Variants in DCC observed in about 807,000 individuals in gnomAD.
DCC encodes netrin receptor DCC.
In DCC, 58 loss-of-function variants were observed where a neutral mutation model predicts 172.5. That is an observed-to-expected ratio of 0.34 (90% CI 0.27 to 0.42). DCC has a LOEUF of 0.42. Among genes scored for constraint, DCC ranks in the 10% least tolerant of loss-of-function variants. The pLI, the probability that DCC is intolerant of heterozygous loss-of-function variation, is 1.00. For missense variants in DCC, 1,740 were observed against 1,791.0 expected (o/e 0.97, Z 0.51); for synonymous variants, 709 against 644.5 (o/e 1.10, Z -1.52).
chr18:53,251,257 GC>G (rs2056428390), intron 12 of DCC, among the ~76,000 whole-genome samples: 1 of 151,870 alleles, frequency 6.6e-6, no homozygotes, highest in African/African-American at 2.4e-5. Flanking sequence ...CTTACAAACA[GC>G]CTCATCTTAT....
At chr18:52,529,712 G>A (rs972220435) in intron 1 of DCC, among the ~76,000 whole-genome samples, 1 of 152,168 alleles carries the variant, frequency 6.6e-6, no homozygotes, top group African/African-American at 2.4e-5. Context: ...CTCATGCCAA[G>A]GACTTGCAGA....
chr18:52,711,707 T>C (rs1418498066), intron 1 of DCC, among the ~76,000 whole-genome samples: 2 of 152,126 alleles, frequency 1.3e-5, no homozygotes, highest in Admixed American at 6.5e-5. Flanking sequence ...CCCCACTACA[T>C]TCTCACTTTG....
intron 27 of DCC, among the ~76,000 whole-genome samples, chr18:53,501,109 A>T (rs2046092437): frequency 1.3e-5 from 2 of 152,202 alleles, no homozygotes; most frequent in South Asian, 4.1e-4. Flanking sequence ...CCTTGAAGGA[A>T]ACTAGTATTC....
chr18:53,261,953 A>G (rs951610915), intron 12 of DCC, among the ~76,000 whole-genome samples: 1 of 152,200 alleles, frequency 6.6e-6, no homozygotes, highest in Non-Finnish European at 1.5e-5. Context: ...GGACTTACCA[A>G]TAAAAGCCAT....
At chr18:52,870,813 A>T (rs1273514634) in intron 2 of DCC, among the ~76,000 whole-genome samples, 2 of 151,958 alleles carry the variant, frequency 1.3e-5, no homozygotes, top group East Asian at 3.9e-4. Context: ...CTTGGAAAAA[A>T]TCTTAACCTC....
intron 22 of DCC, among the ~76,000 whole-genome samples, chr18:53,446,329 C>T (rs1457988841): frequency 6.6e-5 from 10 of 152,098 alleles, no homozygotes; most frequent in African/African-American, 1.9e-4. Flanking sequence ...TAATGTCTAA[C>T]GAGTGCCAAC....
chr18:52,688,856 A>C (rs1330746629), intron 1 of DCC, among the ~76,000 whole-genome samples: 2 of 152,138 alleles, frequency 1.3e-5, no homozygotes, highest in Admixed American at 1.3e-4. Flanking sequence ...AAAGATATGG[A>C]TATTTAACAT....
At chr18:53,331,949 C>G (rs913958869) in intron 14 of DCC, among the ~76,000 whole-genome samples, 1 of 152,174 alleles carries the variant, frequency 6.6e-6, no homozygotes, top group Admixed American at 6.5e-5. Flanking sequence ...GAGTTATAAC[C>G]AATGTGAGGC....
chr18:53,351,291 GTA>G (rs147758557), intron 15 of DCC, among the ~76,000 whole-genome samples: 11,481 of 34,420 alleles, frequency 0.33, 2,004 homozygotes, highest in East Asian at 0.47. Flanking sequence ...ATTGAGTACA[GTA>G]TATATATATA....
intron 5 of DCC, among the ~76,000 whole-genome samples, chr18:52,962,101 G>A (rs2040851746): frequency 6.7e-6 from 1 of 150,104 alleles, no homozygotes; most frequent in Admixed American, 6.6e-5. Context: ...AGCCAAAATT[G>A]ACAAATGGGA....
chr18:53,429,173 C>T (rs1422357510), intron 21 of DCC, among the ~76,000 whole-genome samples: 2 of 129,194 alleles, frequency 1.5e-5, no homozygotes, highest in East Asian at 4.2e-4. Context: ...ACTGCTTTTA[C>T]TTGTTGGCCT....
At chr18:52,435,811 T>C (rs1288939501) in intron 1 of DCC, among the ~76,000 whole-genome samples, 2 of 152,190 alleles carry the variant, frequency 1.3e-5, no homozygotes, top group African/African-American at 4.8e-5. Context: ...TTGATCACTG[T>C]TCTTCTGCTT....
At chr18:52,568,896 T>TAC (rs1469939337) in intron 1 of DCC, among the ~76,000 whole-genome samples, 1 of 152,228 alleles carries the variant, frequency 6.6e-6, no homozygotes, top group East Asian at 1.9e-4. Context: ...TTTTAAAAAT[T>TAC]ACACTAATTA....
chr18:53,177,952 G>C (rs867667566), intron 8 of DCC, among the ~76,000 whole-genome samples: 2 of 152,098 alleles, frequency 1.3e-5, no homozygotes, highest in African/African-American at 2.4e-5. Flanking sequence ...GGCAGAAAAA[G>C]ATATTTTATT....
intron 1 of DCC, among the ~76,000 whole-genome samples, chr18:52,351,936 C>A (rs1488911813): frequency 2.0e-5 from 3 of 152,122 alleles, no homozygotes; most frequent in Non-Finnish European, 4.4e-5. Context: ...TACCATCTAC[C>A]ACTGGATGTT....
At chr18:52,871,066 A>G (rs2039311328) in intron 2 of DCC, among the ~76,000 whole-genome samples, 2 of 152,184 alleles carry the variant, frequency 1.3e-5, no homozygotes, top group South Asian at 2.1e-4. Context: ...TGACATGACA[A>G]AAGCCCCATA....
intron 2 of DCC, among the ~76,000 whole-genome samples, chr18:52,864,460 G>A (rs1256358527): frequency 6.6e-6 from 1 of 152,074 alleles, no homozygotes; most frequent in East Asian, 1.9e-4. Context: ...TCATATTTTG[G>A]AGACCAATCT....
chr18:53,065,909 G>A (rs952076617), intron 6 of DCC, 137 bp from the exon 7 acceptor site: 13 of 998,016 alleles, frequency 1.3e-5, no homozygotes, highest in South Asian at 2.6e-5. Flanking sequence ...ACACGTCTGC[G>A]AGGCTGAGAC....
At chr18:52,852,838 T>C (rs1352067125) in intron 2 of DCC, among the ~76,000 whole-genome samples, 1 of 152,174 alleles carries the variant, frequency 6.6e-6, no homozygotes, top group Non-Finnish European at 1.5e-5. Flanking sequence ...ATTAAATTCT[T>C]ACTATGGAAA....
Sources: gnomAD v4.1 joint callset for allele counts (sites outside exome capture counted in the v4.1 genomes callset) on GRCh38, gnomAD v4.1.1 for gene constraint, MANE v1.5 for transcripts, NCBI Gene and HGNC (gene_info 2026-07-23, HGNC 2026-07-21) for gene names.